ZNF521: variants seen among roughly 807,000 people sequenced by gnomAD.
ZNF521 encodes zinc finger protein 521.
In ZNF521, 14 loss-of-function variants were observed where a neutral mutation model predicts 105.5. The observed-to-expected ratio is 0.13, with a 90% CI of 0.09 to 0.21. The LOEUF is 0.21. Among genes scored for constraint, ZNF521 ranks in the 10% least tolerant of loss-of-function variants. The probability of loss-of-function intolerance (pLI) is 1.00; values close to 1 mark genes in which losing one functional copy is unlikely to be tolerated. For synonymous variants in ZNF521, 635 were observed against 606.0 expected, an observed-to-expected ratio of 1.05 and a Z score of -0.70; for missense variants, 1,233 against 1,629.7, an observed-to-expected ratio of 0.76 and a Z score of 4.19.
chr18:25,080,234 T>A (rs1300044886), intron 7 of ZNF521, among the ~76,000 whole-genome samples: 1 of 152,262 alleles, frequency 6.6e-6, no homozygotes, highest in African/African-American at 2.4e-5. Context: ...AGACCTGTTA[T>A]TTTAGGCAGT....
intron 3 of ZNF521, among the ~76,000 whole-genome samples, chr18:25,290,345 T>C (rs537864576): frequency 6.6e-6 from 1 of 152,320 alleles, no homozygotes; most frequent in East Asian, 1.9e-4. Context: ...TATCAGACTA[T>C]CTAGGTGATT....
In ZNF521 at chr18:25,225,011, G is replaced by A. The variant is rs377338866; in HGVS notation, c.2907C>T (p.Pro969=). The A allele has an allele frequency of 1.6e-5, 26 of 1,614,044 alleles. No individual in the cohort carries two copies. In the Middle Eastern group the frequency reaches 8.2e-4, roughly 51 times the overall value. The change falls in exon 4 of 8, where the codon CCC becomes CCT. Residue 969 remains proline, a synonymous_variant. Coordinates refer to ENST00000361524, the MANE Select transcript of ZNF521 (RefSeq NM_015461.3). This position sits in a 1 kb window ranked among gnomAD's most constrained non-coding sequence, Gnocchi z 5.6. ...YMCPICGERF[P]SLLTLTEHKV... ...TGTGTTCAGTAAGAGTTAAAAGGGA[G>A]GGAAACCGCTCTCCGCAAATAGGGC...
rs34813730 is a variant in ZNF521, at chr18:25,338,259, T to TTGTGTGTGTGTGTGTGTGTGTGTGTG, written c.40+12622_40+12647dup. Reference sequence around the variant, plus strand: ...AATTCAAACAACCTCTCATAGACTTTTGTGTGTGTGTGTGTGTGTGTGTGT... The same window carrying TTGTGTGTGTGTGTGTGTGTGTGTGTG: ...AATTCAAACAACCTCTCATAGACTTTTGTGTGTGTGTGTGTGTGTGTGTGTGTGTGTGTGTGTGTGTGTGTGTGTGT... On this transcript the variant is annotated intron_variant, in intron 2 of 7. Transcript: ENST00000361524. 6.4e-4 allele frequency among the ~76,000 whole-genome samples: 87 copies of TTGTGTGTGTGTGTGTGTGTGTGTGTG among 136,590 alleles called. 1 individual carries two copies. The highest frequency in any genetic ancestry group is 1.8e-3 in the Admixed American group (24 of 13,172). The allele number at this position is 136,590 out of a possible 152,430, so 89.6% of individuals were successfully genotyped here.
At chr18:25,172,143 T>A (rs201553769) in intron 5 of ZNF521, among the ~76,000 whole-genome samples, 1 of 152,174 alleles carries the variant, frequency 6.6e-6, no homozygotes, top group African/African-American at 2.4e-5. Context: ...AGCATAGATA[T>A]GCTAGAACAT....
At chr18:25,230,780 C>A (rs954130198) in intron 3 of ZNF521, among the ~76,000 whole-genome samples, 1 of 152,192 alleles carries the variant, frequency 6.6e-6, no homozygotes, top group African/African-American at 2.4e-5. Context: ...TTCACTTGAG[C>A]TGACTCTCCG....
At chr18:25,187,168 A>G (rs1356764065) in intron 5 of ZNF521, among the ~76,000 whole-genome samples, 1 of 152,030 alleles carries the variant, frequency 6.6e-6, no homozygotes, top group Non-Finnish European at 1.5e-5. Context: ...TAAGCACATT[A>G]TTTTCCTAAA....
chr18:25,319,887 ATGAAACCTGAATT>A (rs1210647301), intron 3 of ZNF521, among the ~76,000 whole-genome samples: 1 of 152,184 alleles, frequency 6.6e-6, no homozygotes, highest in African/African-American at 2.4e-5. Flanking sequence ...ACAGGAGCCT[ATGAAACCTGAATT>A]TAATCCTTGG....
At chr18:25,316,320 AT>A (rs775716836) in intron 3 of ZNF521, among the ~76,000 whole-genome samples, 87 of 144,196 alleles carry the variant, frequency 6.0e-4, no homozygotes, top group Middle Eastern at 3.6e-3. Flanking sequence ...GGTAAAACGA[AT>A]TTAAAAAAAA....
chr18:25,219,143 A>G (rs957729125), intron 4 of ZNF521, among the ~76,000 whole-genome samples: 7 of 152,188 alleles, frequency 4.6e-5, no homozygotes, highest in African/African-American at 1.2e-4. Flanking sequence ...TATAACTAAC[A>G]AAGTATGTGT....
chr18:25,197,214 T>C (rs952390596), intron 4 of ZNF521, among the ~76,000 whole-genome samples: 1 of 152,036 alleles, frequency 6.6e-6, no homozygotes, highest in Non-Finnish European at 1.5e-5. Context: ...TAAAATACTA[T>C]GTTATATTTT....
chr18:25,256,009 GAT>G (rs1048533950), intron 3 of ZNF521, among the ~76,000 whole-genome samples: 3 of 146,262 alleles, frequency 2.1e-5, no homozygotes, highest in Non-Finnish European at 4.5e-5. Context: ...ATATATATAT[GAT>G]ATATATATGG....
intron 2 of ZNF521, among the ~76,000 whole-genome samples, chr18:25,331,755 T>C (rs1445636573): frequency 1.3e-5 from 2 of 152,180 alleles, no homozygotes; most frequent in Non-Finnish European, 2.9e-5. Context: ...TTTGTTTGAA[T>C]CAGGAAACAC....
In ZNF521 at chr18:25,126,001, T is replaced by C. The variant is rs946280379; in HGVS notation, c.3659-33920A>G. Among the ~76,000 whole-genome samples the C allele has an allele frequency of 5.3e-5, 8 of 152,188 alleles. No homozygotes were observed. In the East Asian group the frequency reaches 1.4e-3, roughly 26 times the overall value. On this transcript the variant is annotated intron_variant, in intron 5 of 7. Coordinates refer to ENST00000361524, the MANE Select transcript of ZNF521 (RefSeq NM_015461.3). ...CCCCTTCAATGGTCCTCATAAATGTTATGTTTGCCTTTATACAGTTTTTAG... is the reference window on the plus strand; with the variant it reads ...CCCCTTCAATGGTCCTCATAAATGTCATGTTTGCCTTTATACAGTTTTTAG...
At chr18:25,294,976 A>G (rs574531280) in intron 3 of ZNF521, among the ~76,000 whole-genome samples, 1 of 151,904 alleles carries the variant, frequency 6.6e-6, no homozygotes, top group South Asian at 2.1e-4. Flanking sequence ...GACGAAATAT[A>G]CCTACATAAA....
At chr18:25,328,265 T>C (rs943274376) in intron 2 of ZNF521, among the ~76,000 whole-genome samples, 68 of 152,254 alleles carry the variant, frequency 4.5e-4, no homozygotes, top group African/African-American at 1.6e-3. Context: ...TCACGGTCCT[T>C]GAAGACCAAA....
intron 4 of ZNF521, among the ~76,000 whole-genome samples, chr18:25,212,649 C>T: frequency 7.0e-6 from 1 of 143,464 alleles, no homozygotes; most frequent in Non-Finnish European, 1.5e-5. Flanking sequence ...AGATAACTGA[C>T]AGACTTACAG....
intron 7 of ZNF521, among the ~76,000 whole-genome samples, chr18:25,085,406 A>G (rs2033598891): frequency 1.3e-5 from 2 of 151,972 alleles, no homozygotes; most frequent in African/African-American, 4.8e-5. Context: ...TTTCATAGAA[A>G]TAAGGGCTTC....
At chr18:25,328,119 G>T (rs997438986) in intron 2 of ZNF521, among the ~76,000 whole-genome samples, 2 of 152,154 alleles carry the variant, frequency 1.3e-5, no homozygotes, top group African/African-American at 4.8e-5. Flanking sequence ...AAGAAGAAAA[G>T]GAACCTGTAA....
At position 25,075,070 on chromosome 18, in the gene ZNF521, T is replaced by C. The variant is rs545388464; in HGVS notation, c.3907-12329A>G. Among the ~76,000 whole-genome samples, 45 of 152,274 alleles carry C rather than the reference T, an allele frequency of 3.0e-4. No individual in the cohort carries two copies. In the South Asian group the frequency reaches 9.3e-3, roughly 32 times the overall value. ...ACAGAGGGCCAGGCGGCAGGCATGG[T>C]GCAAACTCATGCAAATTCAAAGGTG... On this transcript the variant is annotated intron_variant, in intron 7 of 7. Coordinates refer to ENST00000361524, the MANE Select transcript of ZNF521 (RefSeq NM_015461.3).
Sources: gnomAD v4.1 joint callset for allele counts (sites outside exome capture counted in the v4.1 genomes callset) on GRCh38, gnomAD v4.1.1 for gene constraint, Gnocchi (gnomAD v3.1) non-coding constraint, MANE v1.5 for transcripts, NCBI Gene and HGNC (gene_info 2026-07-23, HGNC 2026-07-21) for gene names.